Variants in MYT1L observed in about 807,000 individuals in gnomAD.
MYT1L encodes myelin transcription factor 1 like, also known as myelin transcription factor 1-like protein.
Under a neutral mutation model 126.7 loss-of-function variants are expected in MYT1L, and 12 were observed. The ratio of observed to expected loss-of-function variants is 0.09; its 90% CI spans 0.06 to 0.15. The LOEUF is 0.15. MYT1L is among the 10% of genes least tolerant of loss of function. The probability of loss-of-function intolerance (pLI) is 1.00; values close to 1 mark genes in which losing one functional copy is unlikely to be tolerated. For missense variants in MYT1L, 979 were observed against 1,585.2 expected (o/e 0.62, Z 6.49); for synonymous variants, 541 against 604.2 (o/e 0.90, Z 1.53).
chr2:2,046,367 C>T (rs897004549), intron 4 of MYT1L, among the ~76,000 whole-genome samples: 20 of 152,304 alleles, frequency 1.3e-4, no homozygotes, highest in African/African-American at 4.8e-4. Context: ...GCAAATTTAT[C>T]ATGCTCCATT....
chr2:1,997,944 ACTCAGAGAGTATCAGAGAGTG>A (rs1409896604), intron 4 of MYT1L, among the ~76,000 whole-genome samples: 1 of 150,510 alleles, frequency 6.6e-6, no homozygotes, highest in Non-Finnish European at 1.5e-5. Context: ...AGATACTGAT[ACTCAGAGAGTATCAGAGAGTG>A]CTCAGAACTC....
In MYT1L at chr2:1,801,976, C is replaced by T. The variant is rs2288180; in HGVS notation, c.3173-177G>A. On this transcript the variant is annotated intron_variant, in intron 22 of 24. Coordinates refer to ENST00000647738, the MANE Select transcript of MYT1L (RefSeq NM_001303052.2). The surrounding 1 kb of genome is among the most constrained non-coding windows in gnomAD (Gnocchi z 4.2). ...TCTGTGTCTTTCTATTCCCTACCACCGCCCCTTCCCCACCTAAGTTCCCCT... is the reference window on the plus strand; with the variant it reads ...TCTGTGTCTTTCTATTCCCTACCACTGCCCCTTCCCCACCTAAGTTCCCCT... 0.62 allele frequency: 327,330 copies of T among 530,710 alleles called. 102,260 individuals are homozygous for T. The highest frequency in any genetic ancestry group is 0.77 in the South Asian group (31,051 of 40,528). The allele number at this position is 530,710 out of a possible 1,614,324, so 32.9% of individuals were successfully genotyped here. A position where few individuals can be genotyped will look rare whatever the true frequency, so the allele number is the denominator to read the frequency against.
chr2:1,980,695 G>A (rs2060542499), intron 5 of MYT1L, among the ~76,000 whole-genome samples: 1 of 152,136 alleles, frequency 6.6e-6, no homozygotes. Context: ...ACCCAAGATG[G>A]TTTGAGTTGA....
intron 2 of MYT1L, among the ~76,000 whole-genome samples, chr2:2,180,951 T>G (rs1236241954): frequency 6.6e-6 from 1 of 151,450 alleles, no homozygotes; most frequent in Non-Finnish European, 1.5e-5. Flanking sequence ...CATGTGCCTG[T>G]GTGTGCACCT....
chr2:2,238,674 T>C (rs182022161), intron 2 of MYT1L, among the ~76,000 whole-genome samples: 1 of 152,210 alleles, frequency 6.6e-6, no homozygotes, highest in African/African-American at 2.4e-5. Context: ...CGTTACAATC[T>C]CCGTGTAGGA....
At position 1,917,178 on chromosome 2, in the gene MYT1L, A is replaced by G; in HGVS notation, c.1618+27T>C. On this transcript the variant is annotated intron_variant, in intron 11 of 24. Coordinates refer to ENST00000647738, the MANE Select transcript of MYT1L (RefSeq NM_001303052.2). The surrounding 1 kb of genome is among the most constrained non-coding windows in gnomAD (Gnocchi z 5.9). ...CAGAGTCATGGGTGTTTGCACCCCC[A>G]AGGGTAGCGGTGAGACGTGGACTTA... The G allele has an allele frequency of 6.2e-7, 1 of 1,604,516 alleles. No individual in the cohort carries two copies.
At chr2:2,214,295 A>G (rs1056693619) in intron 2 of MYT1L, among the ~76,000 whole-genome samples, 2 of 151,620 alleles carry the variant, frequency 1.3e-5, no homozygotes, top group Non-Finnish European at 2.9e-5. Flanking sequence ...CTATCTATCT[A>G]TCTATCTATG....
At chr2:1,862,725 C>T (rs754055391) in intron 18 of MYT1L, among the ~76,000 whole-genome samples, 256 of 152,250 alleles carry the variant, frequency 1.7e-3, no homozygotes, top group Middle Eastern at 3.4e-3. Context: ...CCAAAGAGGG[C>T]AGAGAGAGAG....
intron 1 of MYT1L, among the ~76,000 whole-genome samples, chr2:2,285,893 G>A (rs946218536): frequency 2.0e-5 from 3 of 152,164 alleles, no homozygotes; most frequent in Non-Finnish European, 4.4e-5. Flanking sequence ...TTCCCAACTC[G>A]AGGGTGCTTT....
chr2:1,921,471 A>T (rs1021646336), intron 10 of MYT1L, among the ~76,000 whole-genome samples: 3 of 152,334 alleles, frequency 2.0e-5, no homozygotes, highest in Admixed American at 6.5e-5. Flanking sequence ...AAAGATAGCT[A>T]AATACATTGA....
chr2:2,017,091 A>G (rs1208566167), intron 4 of MYT1L, among the ~76,000 whole-genome samples: 5 of 152,202 alleles, frequency 3.3e-5, no homozygotes, highest in Non-Finnish European at 7.3e-5. Flanking sequence ...GGCTTCACAC[A>G]GAGCCATCAT....
Position 1,903,089 on chromosome 2 carries a change from A to G in MYT1L, c.2023T>C (p.Tyr675His). Residue 675 changes from tyrosine (Y) to histidine (H), a missense_variant, in exon 14 of 25, where the codon TAT becomes CAT. Coordinates refer to ENST00000647738, the MANE Select transcript of MYT1L (RefSeq NM_001303052.2). Reference sequence around the variant, plus strand: ...AGTGTGCACCTCCTACCATCATCATATCCTTTGGGGGATATATCCCTGGTT... The same window carrying G: ...AGTGTGCACCTCCTACCATCATCATGTCCTTTGGGGGATATATCCCTGGTT... ...VQTRDISPKGYDDAKRYCKDP... is the reference protein window; with the variant it reads ...VQTRDISPKGHDDAKRYCKDP... 6.2e-7 allele frequency: 1 copy of G among 1,613,488 alleles called. No homozygotes were observed. Among genetic ancestry groups the G allele is most frequent in the Non-Finnish European group, 8.5e-7 (1 of 1,179,488 alleles).
rs1187535846 is a variant in MYT1L at position 1,887,303 on chromosome 2, C to T, written c.2642+185G>A. On this transcript the variant is annotated intron_variant, in intron 17 of 24. Transcript: ENST00000647738. The surrounding 1 kb of genome is among the most constrained non-coding windows in gnomAD (Gnocchi z 4.8). ...AAAATGACGCCCCCATCCGACAGAG[C>T]GTCACTGGGAACAGGCAAGTGCACG... Among the ~76,000 whole-genome samples, 2 of 152,162 alleles carry T rather than the reference C, an allele frequency of 1.3e-5. No individual in the cohort carries two copies. Among genetic ancestry groups the T allele is most frequent in the Admixed American group, 6.5e-5 (1 of 15,274 alleles).
At chr2:2,081,626 C>G (rs895910618) in intron 3 of MYT1L, among the ~76,000 whole-genome samples, 1 of 152,198 alleles carries the variant, frequency 6.6e-6, no homozygotes, top group Admixed American at 6.5e-5. Flanking sequence ...AAAATCTGTC[C>G]TGCTTCATTT....
At position 2,228,642 on chromosome 2, in the gene MYT1L, T is replaced by C. The variant is rs1277419848; in HGVS notation, c.-420-55654A>G. 6.6e-6 allele frequency among the ~76,000 whole-genome samples: 1 copy of C among 152,080 alleles called. No individual in the cohort carries two copies. The highest frequency in any genetic ancestry group is 1.5e-5 in the Non-Finnish European group (1 of 67,992). The stretch of plus-strand genomic sequence containing the variant: ...TATAAATTGCAGTCTAGAAACCCAC[T>C]TTGTCTATAAAACATTAAAATAGAA... On this transcript the variant is annotated intron_variant, in intron 2 of 24. Transcript: ENST00000647738. This position sits in a 1 kb window ranked among gnomAD's most constrained non-coding sequence, Gnocchi z 5.9.
At chr2:1,973,276 A>G (rs1231022054) in intron 8 of MYT1L, among the ~76,000 whole-genome samples, 5 of 152,226 alleles carry the variant, frequency 3.3e-5, no homozygotes, top group Non-Finnish European at 5.9e-5. Context: ...TAATCAGTTA[A>G]TAGTAATCTG....
chr2:2,091,854 G>T (rs1355515341), intron 3 of MYT1L, among the ~76,000 whole-genome samples: 3 of 152,138 alleles, frequency 2.0e-5, no homozygotes, highest in African/African-American at 7.2e-5. Flanking sequence ...ACCAACCTCT[G>T]CCAGCTTCAA....
At chr2:1,814,429 T>C (rs1480105007) in intron 21 of MYT1L, among the ~76,000 whole-genome samples, 1 of 152,154 alleles carries the variant, frequency 6.6e-6, no homozygotes, top group Non-Finnish European at 1.5e-5. Context: ...GGTTATCTTT[T>C]CCTCTTCTGC....
intron 15 of MYT1L, among the ~76,000 whole-genome samples, chr2:1,891,458 A>G (rs2048867497): frequency 6.6e-6 from 1 of 152,326 alleles, no homozygotes; most frequent in Non-Finnish European, 1.5e-5. Context: ...GGTTCAATTG[A>G]TAAGAAAATT....
Sources: gnomAD v4.1 joint callset for allele counts (sites outside exome capture counted in the v4.1 genomes callset) on GRCh38, gnomAD v4.1.1 for gene constraint, Gnocchi (gnomAD v3.1) non-coding constraint, MANE v1.5 for transcripts, NCBI Gene and HGNC (gene_info 2026-07-23, HGNC 2026-07-21) for gene names.